Variants in HOMER1 observed in about 807,000 individuals in gnomAD.
HOMER1 encodes the protein homer scaffold protein 1, also known as homer protein homolog 1.
A neutral mutation model predicts 48.9 loss-of-function variants in HOMER1; 3 were observed. The ratio of observed to expected loss-of-function variants is 0.06; its 90% CI spans 0.03 to 0.16. HOMER1 has a LOEUF of 0.16. HOMER1 is among the 10% of genes least tolerant of loss of function. HOMER1 has a pLI of 1.00. For missense variants in HOMER1, 247 were observed against 411.4 expected (o/e 0.60, Z 3.46); for synonymous variants, 134 against 146.4 (o/e 0.92, Z 0.61).
intron 4 of HOMER1, among the ~76,000 whole-genome samples, chr5:79,443,908 A>G (rs1318477502): frequency 1.3e-5 from 2 of 152,206 alleles, no homozygotes; most frequent in Admixed American, 1.3e-4. Flanking sequence ...AAATGTATAA[A>G]CACACTTGTG....
chr5:79,379,115 A>ATATATATATATATATATAATATATAT (rs1349080228), intron 8 of HOMER1, among the ~76,000 whole-genome samples: 3 of 55,620 alleles, frequency 5.4e-5, no homozygotes, highest in South Asian at 6.4e-4. Flanking sequence ...TATATATATA[A>ATATATATATATATATATAATATATAT]AATATATAAA....
chr5:79,487,277 CAAAA>C (rs1346402908), intron 1 of HOMER1, among the ~76,000 whole-genome samples: 1 of 151,770 alleles, frequency 6.6e-6, no homozygotes, highest in African/African-American at 2.4e-5. Flanking sequence ...AACTCCATCT[CAAAA>C]AAGAAAGAAA....
At chr5:79,392,096 A>G (rs1749268427) in intron 8 of HOMER1, among the ~76,000 whole-genome samples, 1 of 152,216 alleles carries the variant, frequency 6.6e-6, no homozygotes, top group South Asian at 2.1e-4. Flanking sequence ...ACAATTATGT[A>G]TAGTACATAA....
chr5:79,476,828 C>T (rs1444795634), intron 1 of HOMER1, among the ~76,000 whole-genome samples: 1 of 152,062 alleles, frequency 6.6e-6, no homozygotes, highest in East Asian at 1.9e-4. Context: ...CATCGACAAC[C>T]ATGTCAAAAT....
At chr5:79,379,103 TA>T (rs1561340238) in intron 8 of HOMER1, among the ~76,000 whole-genome samples, 1 of 58,636 alleles carries the variant, frequency 1.7e-5, no homozygotes, top group African/African-American at 1.1e-4. Context: ...TATATATATA[TA>T]TATATATATA....
At chr5:79,436,713 A>G (rs1267006926) in intron 5 of HOMER1, among the ~76,000 whole-genome samples, 2 of 152,202 alleles carry the variant, frequency 1.3e-5, no homozygotes, top group Non-Finnish European at 2.9e-5. Context: ...ATCATGGATT[A>G]TATCATCTCT....
At chr5:79,485,044 T>C (rs1258561116) in intron 1 of HOMER1, among the ~76,000 whole-genome samples, 1 of 152,030 alleles carries the variant, frequency 6.6e-6, no homozygotes, top group South Asian at 2.1e-4. Flanking sequence ...CTGAGAAACC[T>C]GATAACCAAT....
At chr5:79,506,042 CA>C (rs1234099231) in intron 1 of HOMER1, among the ~76,000 whole-genome samples, 19 of 151,346 alleles carry the variant, frequency 1.3e-4, no homozygotes, top group South Asian at 6.2e-4. Flanking sequence ...GTTTAGCAGA[CA>C]AAAAAAATTA....
chr5:79,469,007 T>C (rs1194709023), intron 1 of HOMER1, among the ~76,000 whole-genome samples: 7 of 152,186 alleles, frequency 4.6e-5, no homozygotes, highest in South Asian at 2.1e-4. Flanking sequence ...TTAGCTCCAA[T>C]AGTGAAAAAG....
intron 1 of HOMER1, among the ~76,000 whole-genome samples, chr5:79,458,202 A>T (rs1253048387): frequency 6.6e-6 from 1 of 152,138 alleles, no homozygotes; most frequent in Non-Finnish European, 1.5e-5. Context: ...GCATAAGATG[A>T]TCTATATATA....
chr5:79,496,567 A>G (rs1561387289), intron 1 of HOMER1, among the ~76,000 whole-genome samples: 1 of 152,126 alleles, frequency 6.6e-6, no homozygotes, highest in African/African-American at 2.4e-5. Flanking sequence ...GGACCAGCCA[A>G]AAGAATTTTA....
intron 3 of HOMER1, among the ~76,000 whole-genome samples, chr5:79,448,762 G>T (rs1750953122): frequency 6.6e-6 from 1 of 152,098 alleles, no homozygotes; most frequent in South Asian, 2.1e-4. Context: ...AAGGTAGCCT[G>T]AAAAATAAAT....
intron 1 of HOMER1, among the ~76,000 whole-genome samples, chr5:79,457,979 G>C (rs1005599635): frequency 6.6e-6 from 1 of 152,176 alleles, no homozygotes; most frequent in East Asian, 1.9e-4. Context: ...TCTGGGAATA[G>C]GTAAAGAACT....
chr5:79,469,629 G>C (rs921276342), intron 1 of HOMER1, among the ~76,000 whole-genome samples: 1 of 151,826 alleles, frequency 6.6e-6, no homozygotes, highest in African/African-American at 2.4e-5. Context: ...GTTGAAAAGG[G>C]GCTATATTAA....
chr5:79,379,398 ATATT>A (rs1470201429), intron 8 of HOMER1, among the ~76,000 whole-genome samples: 2 of 115,614 alleles, frequency 1.7e-5, no homozygotes, highest in Non-Finnish European at 3.3e-5. Context: ...TATTATATAA[ATATT>A]TATATATTTA....
chr5:79,441,727 G>A (rs1196607002), intron 4 of HOMER1, among the ~76,000 whole-genome samples: 1 of 151,912 alleles, frequency 6.6e-6, no homozygotes, highest in Non-Finnish European at 1.5e-5. Flanking sequence ...ATTTACTGAT[G>A]AGAAACAACA....
At chr5:79,404,635 C>T (rs1749616683) in intron 5 of HOMER1, among the ~76,000 whole-genome samples, 1 of 152,184 alleles carries the variant, frequency 6.6e-6, no homozygotes, top group South Asian at 2.1e-4. Flanking sequence ...GATAACAGAA[C>T]ATTTCATCAT....
At chr5:79,399,183 C>T (rs1470549881) in intron 6 of HOMER1, among the ~76,000 whole-genome samples, 2 of 152,096 alleles carry the variant, frequency 1.3e-5, no homozygotes, top group Non-Finnish European at 2.9e-5. Context: ...GTTTGAAGGA[C>T]CTGGTGAGTA....
chr5:79,417,598 C>T (rs1014711225), intron 5 of HOMER1, among the ~76,000 whole-genome samples: 1 of 152,218 alleles, frequency 6.6e-6, no homozygotes, highest in Non-Finnish European at 1.5e-5. Flanking sequence ...TATGAATATA[C>T]ATCTATCTCT....
Sources: gnomAD v4.1 joint callset for allele counts (sites outside exome capture counted in the v4.1 genomes callset) on GRCh38, gnomAD v4.1.1 for gene constraint, MANE v1.5 for transcripts, NCBI Gene and HGNC (gene_info 2026-07-23, HGNC 2026-07-21) for gene names.